Variants in GAB2 observed in about 807,000 individuals in gnomAD.
GAB2 encodes GRB2-associated-binding protein 2.
In GAB2, 26 loss-of-function variants were observed where a neutral mutation model predicts 65.5. The ratio of observed to expected loss-of-function variants is 0.40; its 90% CI spans 0.29 to 0.55. The LOEUF (loss-of-function observed/expected upper bound fraction) is 0.55. Ranked by LOEUF, GAB2 falls within the 20% of genes least tolerant of loss-of-function variation. The pLI is 0.53. For missense variants in GAB2, 884 were observed against 875.8 expected, an observed-to-expected ratio of 1.01 and a Z score of -0.12; for synonymous variants, 321 against 329.6, an observed-to-expected ratio of 0.97 and a Z score of 0.28.
intron 2 of GAB2, among the ~76,000 whole-genome samples, chr11:78,268,220 A>G (rs1416092798): frequency 1.3e-5 from 2 of 152,228 alleles, no homozygotes; most frequent in Non-Finnish European, 2.9e-5. Flanking sequence ...TGCTTTAAAA[A>G]AGGTTTGGAA....
chr11:78,297,069 CATTCA>C (rs1368300492), intron 1 of GAB2, among the ~76,000 whole-genome samples: 1 of 152,156 alleles, frequency 6.6e-6, no homozygotes, highest in East Asian at 1.9e-4. Flanking sequence ...GGGACACAAA[CATTCA>C]GTCCATACAT....
rs544071486 is a variant in GAB2, at chr11:78,414,647, A to G, written c.75+2999T>C. Among the ~76,000 whole-genome samples the G allele has an allele frequency of 2.7e-3, 411 of 152,316 alleles. 7 individuals are homozygous for G. The highest frequency in any genetic ancestry group is 0.02 in the Middle Eastern group (6 of 294). ...CTTCTGCCGGCCTCCCACTGCAGCC[A>G]TATCAGGATGCCCCAGAGGCAATAG... On this transcript the variant is annotated intron_variant, in intron 1 of 9. Transcript: ENST00000361507.
chr11:78,359,073 G>GA (rs1171509675), intron 1 of GAB2, among the ~76,000 whole-genome samples: 1 of 152,098 alleles, frequency 6.6e-6, no homozygotes, highest in Non-Finnish European at 1.5e-5. Context: ...CTAAAGATAT[G>GA]AAAAAATCAG....
At chr11:78,322,890 C>T (rs1434673212) in intron 1 of GAB2, among the ~76,000 whole-genome samples, 1 of 151,608 alleles carries the variant, frequency 6.6e-6, no homozygotes, top group African/African-American at 2.4e-5. Flanking sequence ...ATTACTTCGG[C>T]CACTGTAGAA....
chr11:78,268,032 G>A (rs998312559), intron 2 of GAB2, among the ~76,000 whole-genome samples: 5 of 151,996 alleles, frequency 3.3e-5, no homozygotes, highest in Non-Finnish European at 5.9e-5. Context: ...CATCTGCTGC[G>A]GACCAGTATC....
chr11:78,361,986 T>C (rs1296247850), intron 1 of GAB2, among the ~76,000 whole-genome samples: 3 of 152,038 alleles, frequency 2.0e-5, no homozygotes, highest in African/African-American at 4.8e-5. Flanking sequence ...CCTTCACCAA[T>C]TGATGTACTA....
Position 78,219,425 on chromosome 11 carries a change from CAG to C in GAB2, c.1888-12_1888-11del, listed in dbSNP as rs1864307732. 1 of 1,613,288 alleles carries C rather than the reference CAG, an allele frequency of 6.2e-7. No individual in the cohort carries two copies. The highest frequency in any genetic ancestry group is 1.3e-5 in the African/African-American group (1 of 74,858). ...CGGATGAAGTAGATGGCTGAGGGGA[CAG>C]AGTGGGAAAGAGGGAGTAGCTGTGA... is the stretch of plus-strand genomic sequence containing the variant. On this transcript the variant is annotated splice_polypyrimidine_tract_variant and intron_variant, in intron 9 of 9. Transcript: ENST00000361507.
chr11:78,279,394 C>A (rs188694459), intron 2 of GAB2, among the ~76,000 whole-genome samples: 118 of 152,302 alleles, frequency 7.7e-4, no homozygotes, highest in African/African-American at 2.8e-3. Flanking sequence ...CCTGGTCTTA[C>A]ATCTAGGGGC....
intron 1 of GAB2, among the ~76,000 whole-genome samples, chr11:78,370,042 G>T (rs1310565422): frequency 6.6e-6 from 1 of 152,030 alleles, no homozygotes; most frequent in South Asian, 2.1e-4. Context: ...CGGATCACGA[G>T]GTCAGGAGAT....
At chr11:78,232,296 CT>C (rs1864869593) in intron 3 of GAB2, among the ~76,000 whole-genome samples, 1 of 152,184 alleles carries the variant, frequency 6.6e-6, no homozygotes, top group African/African-American at 2.4e-5. Context: ...AATTTCACTC[CT>C]AGTAACCCTC....
intron 1 of GAB2, among the ~76,000 whole-genome samples, chr11:78,343,361 T>C (rs1233696486): frequency 7.8e-6 from 1 of 127,518 alleles, no homozygotes; most frequent in Non-Finnish European, 1.5e-5. Flanking sequence ...GAAGGAATAA[T>C]GTAATTAGGG....
chr11:78,260,534 C>T (rs1865701224), intron 2 of GAB2, among the ~76,000 whole-genome samples: 1 of 150,576 alleles, frequency 6.6e-6, no homozygotes, highest in Non-Finnish European at 1.5e-5. Flanking sequence ...TGCAATGGTG[C>T]GATCTTGGCT....
chr11:78,308,875 A>G (rs1485300001), intron 1 of GAB2, among the ~76,000 whole-genome samples: 4 of 152,184 alleles, frequency 2.6e-5, no homozygotes, highest in East Asian at 1.9e-4. Flanking sequence ...AGTACAGTAT[A>G]TATTATATAT....
chr11:78,354,795 T>G (rs994174226), intron 1 of GAB2, among the ~76,000 whole-genome samples: 7 of 152,222 alleles, frequency 4.6e-5, no homozygotes, highest in African/African-American at 1.7e-4. Flanking sequence ...TGAAGTGGGC[T>G]GAAATGGCTC....
At chr11:78,280,141 A>G (rs958277032) in intron 2 of GAB2, among the ~76,000 whole-genome samples, 2 of 152,230 alleles carry the variant, frequency 1.3e-5, no homozygotes, top group Non-Finnish European at 2.9e-5. Flanking sequence ...TGAATCGTCA[A>G]TAATCATCAC....
chr11:78,248,581 G>A (rs184383318), intron 3 of GAB2, among the ~76,000 whole-genome samples: 1 of 152,292 alleles, frequency 6.6e-6, no homozygotes, highest in East Asian at 1.9e-4. Flanking sequence ...CTCCCAGGCA[G>A]TTGTCTATGT....
intron 2 of GAB2, among the ~76,000 whole-genome samples, chr11:78,275,794 A>G (rs1283955576): frequency 1.3e-5 from 2 of 152,148 alleles, no homozygotes; most frequent in Non-Finnish European, 2.9e-5. Context: ...ATATATATCT[A>G]TATATCTATA....
intron 2 of GAB2, among the ~76,000 whole-genome samples, chr11:78,265,203 C>CATATATATATATATATATATAT (rs10530509): frequency 5.3e-4 from 77 of 144,902 alleles, no homozygotes; most frequent in Middle Eastern, 3.6e-3. Context: ...TTCTATACCA[C>CATATATATATATATATATATAT]ATATATATAT....
intron 1 of GAB2, among the ~76,000 whole-genome samples, chr11:78,346,655 G>T (rs1856184260): frequency 8.5e-6 from 1 of 117,980 alleles, no homozygotes; most frequent in Admixed American, 9.4e-5. Flanking sequence ...GGTATGGGCT[G>T]TTCTGTTTAC....
Sources: gnomAD v4.1 joint callset for allele counts (sites outside exome capture counted in the v4.1 genomes callset) on GRCh38, gnomAD v4.1.1 for gene constraint, MANE v1.5 for transcripts, NCBI Gene and HGNC (gene_info 2026-07-23, HGNC 2026-07-21) for gene names.